Variants in EED observed in about 807,000 individuals in gnomAD.
EED encodes the protein embryonic ectoderm development, also known as polycomb protein EED.
EED carries 9 observed loss-of-function variants against 61.0 expected under a neutral mutation model. That is an observed-to-expected ratio of 0.15 (90% confidence interval 0.09 to 0.26). EED has a LOEUF of 0.26. Among genes scored for constraint, EED ranks in the 10% least tolerant of loss-of-function variants. The pLI is 1.00. For missense variants in EED, 315 were observed against 542.3 expected (o/e 0.58, Z 4.16); for synonymous variants, 187 against 174.4 (o/e 1.07, Z -0.57).
chr11:86,253,663 T>C (rs1384668569), intron 3 of EED, among the ~76,000 whole-genome samples: 7 of 152,152 alleles, frequency 4.6e-5, no homozygotes, highest in Admixed American at 4.6e-4. Context: ...AATGAATTAA[T>C]AGGTTGTGAT....
In EED at chr11:86,245,207, A is replaced by G. The variant is rs1306373454; in HGVS notation, c.-23A>G. 1.2e-6 allele frequency: 2 copies of G among 1,601,962 alleles called. No homozygotes were observed. On this transcript the variant is annotated 5_prime_UTR_variant, in exon 1 of 12. Transcript: ENST00000263360. ...CGGAGGCCCCGCCCCAGGCGGCAGG[A>G]ACCTGGAGGGAGGCGGAGGAATATG... is the stretch of plus-strand genomic sequence containing the variant.
chr11:86,260,380 C>G (rs528681998), intron 6 of EED, among the ~76,000 whole-genome samples: 1 of 133,696 alleles, frequency 7.5e-6, no homozygotes, highest in East Asian at 2.2e-4. Context: ...GTGCACACCA[C>G]CATGCCTGGC....
chr11:86,263,617 G>A (rs1266583926), intron 6 of EED, among the ~76,000 whole-genome samples: 1 of 152,166 alleles, frequency 6.6e-6, no homozygotes, highest in Non-Finnish European at 1.5e-5. Flanking sequence ...CTGGGCTTAA[G>A]CAGTCCTCCC....
intron 2 of EED, 116 bp downstream of exon 2, chr11:86,250,564 A>G (rs1184664517): frequency 2.5e-6 from 3 of 1,214,858 alleles, no homozygotes; most frequent in Admixed American, 3.6e-5. Context: ...TAAAGTTACA[A>G]TGTTTTCTGA....
chr11:86,252,724 A>G (rs2138143412), intron 3 of EED, among the ~76,000 whole-genome samples: 1 of 151,758 alleles, frequency 6.6e-6, no homozygotes, highest in South Asian at 2.1e-4. Context: ...TTGTTTTGAG[A>G]CAGGTAGTGT....
Position 86,244,888 on chromosome 11 carries a change from GGGAA to G in EED, c.-339_-336del, listed in dbSNP as rs1945343737. The G allele has an allele frequency of 7.7e-6, 2 of 258,452 alleles. No individual in the cohort carries two copies. The highest frequency in any genetic ancestry group is 2.2e-5 in the African/African-American group (1 of 45,626). The allele number at this position is 258,452 out of a possible 1,614,324, so 16.0% of individuals were successfully genotyped here. A position where few individuals can be genotyped will look rare whatever the true frequency, so the allele number is the denominator to read the frequency against. ...TTTCGCCTCTTCTCGAGGCGGTGGT[GGGAA>G]GGGAGACATACTTAATACTGCCCTC... is the stretch of plus-strand genomic sequence containing the variant. On this transcript the variant is annotated 5_prime_UTR_variant, in exon 1 of 12. Transcript: ENST00000263360.
At chr11:86,271,641 A>G (rs969418350) in intron 9 of EED, among the ~76,000 whole-genome samples, 4 of 152,190 alleles carry the variant, frequency 2.6e-5, no homozygotes, top group Non-Finnish European at 4.4e-5. Context: ...ATTCTCTATC[A>G]AGTTGGGAAA....
chr11:86,256,357 A>G (rs1367208913), intron 4 of EED, 30 bp from the exon 5 acceptor site: 1 of 1,507,320 alleles, frequency 6.6e-7, no homozygotes, highest in African/African-American at 1.4e-5. Flanking sequence ...TTTCAAAAAC[A>G]TTATGTTTCT....
At position 86,244,792 on chromosome 11, in the gene EED, C is replaced by G. The variant is rs1208140837; in HGVS notation, c.-438C>G. 2 of 234,424 alleles carry G rather than the reference C, an allele frequency of 8.5e-6. No homozygotes were observed. Among genetic ancestry groups the G allele is most frequent in the Non-Finnish European group, 1.7e-5 (2 of 118,572 alleles). The allele number at this position is 234,424 out of a possible 1,614,324, so 14.5% of individuals were successfully genotyped here. ...CGCTCCCTAGCAGCGGGTCGGAGAT[C>G]GAAGGAACGGGCCAATTGCGGCTGA... On this transcript the variant is annotated 5_prime_UTR_variant, in exon 1 of 12. In the 5' UTR this introduces an upstream ATG that the reference lacks. Transcript: ENST00000263360.
In EED at chr11:86,245,291, A is replaced by G. The variant is rs1945363684; in HGVS notation, c.62A>G (p.Gln21Arg). 1.2e-6 allele frequency: 2 copies of G among 1,613,568 alleles called. No homozygotes were observed. Among genetic ancestry groups the G allele is most frequent in the Non-Finnish European group, 1.7e-6 (2 of 1,179,976 alleles). The change falls in exon 1 of 12, where the codon CAG (glutamine) becomes CGG (arginine). Residue 21 changes from glutamine (Q) to arginine (R), a missense_variant. Coordinates refer to ENST00000263360, the MANE Select transcript of EED (RefSeq NM_003797.5). ...AGTDMPAAKKQKLSSDENSNP... is the reference protein window; with the variant it reads ...AGTDMPAAKKRKLSSDENSNP... ...ACAGACATGCCTGCGGCCAAGAAGCAGAAGCTGAGCAGTGACGAGAACAGC... is the reference window on the plus strand; with the variant it reads ...ACAGACATGCCTGCGGCCAAGAAGCGGAAGCTGAGCAGTGACGAGAACAGC...
chr11:86,285,200 G>A, the EED span, among the ~76,000 whole-genome samples: 2 of 152,150 alleles, frequency 1.3e-5, no homozygotes, highest in Non-Finnish European at 1.5e-5. Context: ...CAGGAGGACT[G>A]CTTGAGCCCA....
intron 9 of EED, among the ~76,000 whole-genome samples, chr11:86,268,950 G>C (rs563372940): frequency 1.3e-5 from 2 of 152,094 alleles, no homozygotes; most frequent in Non-Finnish European, 2.9e-5. Flanking sequence ...GCTGGAGTTG[G>C]CTTATGGGCT....
In EED at chr11:86,245,083, C is replaced by T; in HGVS notation, c.-147C>T. 1 of 594,236 alleles carries T rather than the reference C, an allele frequency of 1.7e-6. No individual in the cohort carries two copies. Among genetic ancestry groups the T allele is most frequent in the East Asian group, 3.4e-5 (1 of 29,444 alleles). 36.8% of individuals were successfully genotyped at this position (594,236 alleles called of 1,614,324 possible). A position where few individuals can be genotyped will look rare whatever the true frequency, so the allele number is the denominator to read the frequency against. On this transcript the variant is annotated 5_prime_UTR_variant, in exon 1 of 12. Coordinates refer to ENST00000263360, the MANE Select transcript of EED (RefSeq NM_003797.5). ...GTCGCACGCACGCCCGCCTCGGCGG[C>T]TGGGCGCGATTTGCGACAGTGGGGG...
downstream of EED, among the ~76,000 whole-genome samples, chr11:86,280,172 CCT>C (rs1232474296): frequency 1.3e-5 from 2 of 152,146 alleles, no homozygotes; most frequent in Non-Finnish European, 2.9e-5. Context: ...CTCACTGCAA[CCT>C]CTGTCTCCCA....
At chr11:86,281,856 T>C (rs1488076575), downstream of EED, among the ~76,000 whole-genome samples, 1 of 152,208 alleles carries the variant, frequency 6.6e-6, no homozygotes, top group East Asian at 1.9e-4. Context: ...TGTAGTTTCT[T>C]TTTTGACCCA....
At chr11:86,262,263 C>G (rs1161589765) in intron 6 of EED, among the ~76,000 whole-genome samples, 1 of 152,020 alleles carries the variant, frequency 6.6e-6, no homozygotes, top group African/African-American at 2.4e-5. Context: ...CAAATTTCAC[C>G]TTTAGATCAT....
In EED at chr11:86,278,689, T is replaced by C. The variant is rs910336970; in HGVS notation, c.*164T>C. On this transcript the variant is annotated 3_prime_UTR_variant, in exon 12 of 12. Transcript: ENST00000263360. ...TTTACATTGTTTACATTCTTTGTAC[T>C]GTCTTCCTGCTCAGACTCTACTGCT... is the stretch of plus-strand genomic sequence containing the variant. 1.2e-5 allele frequency: 10 copies of C among 847,230 alleles called. No individual in the cohort carries two copies. The Admixed American group carries it at 1.8e-4, about 15-fold the overall frequency. The allele number at this position is 847,230 out of a possible 1,614,324, so 52.5% of individuals were successfully genotyped here.
At position 86,256,412 on chromosome 11, in the gene EED, C is replaced by T. The variant is rs750525883; in HGVS notation, c.452C>T (p.Ala151Val). Residue 151 changes from alanine (A) to valine (V), a missense_variant, in exon 5 of 12, where the codon GCA (alanine) becomes GTA (valine). This residue lies in a region of EED where 205 missense variants were observed against 455.4 expected (regional missense o/e 0.45). Coordinates refer to ENST00000263360, the MANE Select transcript of EED (RefSeq NM_003797.5). ...ADADENFYTC[A>V]WTYDSNTSHP... ...GCTGATGAAAACTTTTACACTTGTG[C>T]ATGGACCTATGATAGCAATACGAGC... 2 of 1,606,222 alleles carry T rather than the reference C, an allele frequency of 1.2e-6. No homozygotes were observed.
chr11:86,272,426 A>G (rs941778729), intron 9 of EED, among the ~76,000 whole-genome samples: 1 of 152,066 alleles, frequency 6.6e-6, no homozygotes, highest in Non-Finnish European at 1.5e-5. Flanking sequence ...TGAGTTTTTG[A>G]GAATTTGTTT....
Sources: gnomAD v4.1 joint callset for allele counts (sites outside exome capture counted in the v4.1 genomes callset) on GRCh38, gnomAD v4.1.1 for gene constraint, gnomAD v4.1.1 regional missense constraint, MANE v1.5 for transcripts, NCBI Gene and HGNC (gene_info 2026-07-23, HGNC 2026-07-21) for gene names.